The following VILL variants were observed in gnomAD, a reference collection of about 807,000 sequenced individuals.
VILL encodes villin-like protein.
Under a neutral mutation model 106.3 loss-of-function variants are expected in VILL, and 102 were observed. The ratio of observed to expected loss-of-function variants is 0.96; its 90% CI spans 0.82 to 1.13. VILL has a LOEUF of 1.13. VILL is among the 50% of genes most tolerant of loss of function. The pLI is 0.00. For synonymous variants in VILL, 431 were observed against 440.3 expected (o/e 0.98, Z 0.27); for missense variants, 1,076 against 1,116.6 (o/e 0.96, Z 0.52).
chr3:38,002,049 A>G (rs1278190082), intron 13 of VILL, 189 bp downstream of exon 13: 1 of 913,586 alleles, frequency 1.1e-6, no homozygotes, highest in Non-Finnish European at 1.6e-6. Flanking sequence ...CCCCAGTCCC[A>G]GAGCCAGATG....
At chr3:38,004,712 C>T (rs1391242367) in intron 16 of VILL, among the ~76,000 whole-genome samples, 2 of 152,166 alleles carry the variant, frequency 1.3e-5, no homozygotes, top group East Asian at 1.9e-4. Flanking sequence ...TGCCTGCGGC[C>T]GAGCATGTGT....
intron 2 of VILL, 61 bp from the exon 3 acceptor site, chr3:37,993,837 C>T (rs1457742023): frequency 1.1e-5 from 18 of 1,607,356 alleles, no homozygotes; most frequent in Non-Finnish European, 1.5e-5. Flanking sequence ...TTCCACCCCA[C>T]CCCAGCGGGT....
intron 4 of VILL, among the ~76,000 whole-genome samples, chr3:37,995,423 C>T (rs6808011): frequency 0.84 from 127,491 of 152,272 alleles, 53,481 homozygotes; most frequent in East Asian, 0.92. Flanking sequence ...TGTTGCCCAC[C>T]TTCATGCACT....
At chr3:38,002,803 C>G (rs1028967905) in intron 14 of VILL, 20 of 581,816 alleles carry the variant, frequency 3.4e-5, no homozygotes, top group Non-Finnish European at 5.3e-5. Context: ...GGCCGCCTCC[C>G]CTCCTTACTG....
chr3:38,004,460 C>T, intron 16 of VILL, 61 bp downstream of exon 16: 1 of 1,570,252 alleles, frequency 6.4e-7, no homozygotes, highest in South Asian at 1.2e-5. Context: ...GTTTGTGTAA[C>T]TGGGTGTGTG....
chr3:37,994,543 C>T (rs1699668673), intron 4 of VILL, 77 bp downstream of exon 4: 3 of 1,526,114 alleles, frequency 2.0e-6, no homozygotes, highest in South Asian at 1.2e-5. Context: ...GGATGGCCAT[C>T]GTCCACATCC....
At chr3:37,991,946 C>T (rs746317932) in intron 1 of VILL, among the ~76,000 whole-genome samples, 6 of 152,098 alleles carry the variant, frequency 3.9e-5, no homozygotes, top group African/African-American at 9.7e-5. Context: ...CATGCGAGTG[C>T]GACCTCAGCC....
At chr3:38,001,033 A>G in intron 11 of VILL, 3 of 465,082 alleles carry the variant, frequency 6.5e-6, no homozygotes, top group Non-Finnish European at 1.3e-5. Flanking sequence ...GTCTTTGAAC[A>G]GGCTTTGTGT....
chr3:38,005,708 C>T (rs1257683384), intron 16 of VILL, 84 bp from the exon 17 acceptor site: 13 of 1,457,396 alleles, frequency 8.9e-6, no homozygotes, highest in Non-Finnish European at 1.2e-5. Context: ...CTGTCTGGGA[C>T]AACTGGACAG....
At chr3:38,004,495 C>A (rs1209223049) in intron 16 of VILL, 96 bp downstream of exon 16, 2 of 1,487,826 alleles carry the variant, frequency 1.3e-6, no homozygotes, top group East Asian at 2.3e-5. Context: ...TGCCTCTGTA[C>A]ACAGGGCTGT....
chr3:38,002,539 G>C lies in VILL; in HGVS notation c.1623G>C (p.Leu541=). The C allele has an allele frequency of 1.2e-6, 2 of 1,614,140 alleles. No individual in the cohort carries two copies. The highest frequency in any genetic ancestry group is 1.7e-6 in the Non-Finnish European group (2 of 1,179,984). The change falls in exon 14 of 20, where the codon CTG becomes CTC. Residue 541 remains leucine (L), a synonymous_variant. Transcript: ENST00000383759. ...TCAACTCCAGTGACATCTTCTTGCT[G>C]GTCACAGCCAGCGTCTGCTACCTCT... ...SSLNSSDIFL[L]VTASVCYLWF... is the part of the protein sequence containing the mutation.
intron 16 of VILL, 44 bp downstream of exon 16, chr3:38,004,443 T>A (rs745629679): frequency 1.9e-6 from 3 of 1,582,654 alleles, no homozygotes; most frequent in Admixed American, 1.7e-5. Context: ...AACGGGGGTG[T>A]GTTTCTGTTT....
At chr3:38,003,102 G>A (rs1559367382) in intron 14 of VILL, 66 bp from the exon 15 acceptor site, 14 of 1,570,710 alleles carry the variant, frequency 8.9e-6, no homozygotes, top group Non-Finnish European at 1.1e-5. Flanking sequence ...CCCTGTGAAC[G>A]GGACGTGGGG....
chr3:38,000,891 G>A (rs1397564554), intron 11 of VILL: 17 of 456,650 alleles, frequency 3.7e-5, no homozygotes, highest in Non-Finnish European at 7.0e-5. Context: ...GGAAAGGCCC[G>A]AAGCTTAGAA....
Position 37,995,663 on chromosome 3 carries a change from C to CA in VILL, c.342-75dup, listed in dbSNP as rs1343320481. On this transcript the variant is annotated intron_variant, in intron 4 of 19. Transcript: ENST00000383759. The stretch of plus-strand genomic sequence containing the variant: ...ACATACGTGCACGTGCTCACATCTG[C>CA]AGTCATTCATGCACATGGCAGTCTG... The CA allele has an allele frequency of 8.9e-6, 11 of 1,233,660 alleles. No homozygotes were observed. The Admixed American group carries it at 1.9e-4, about 21-fold the overall frequency. The allele number at this position is 1,233,660 out of a possible 1,614,324, so 76.4% of individuals were successfully genotyped here.
Position 37,994,407 on chromosome 3 carries a change from C to T in VILL, c.282C>T (p.His94=). ...AGCTGGGGGGCCAGACCGTGCTGCACCGCGAGGCGCAGGGCCACGAGTCCG... is the reference window on the plus strand; with the variant it reads ...AGCTGGGGGGCCAGACCGTGCTGCATCGCGAGGCGCAGGGCCACGAGTCCG... ...QDELGGQTVL[H]REAQGHESDC... The change falls in exon 4 of 20, where the codon CAC becomes CAT. Residue 94 remains histidine (H), a synonymous_variant. Transcript: ENST00000383759. 1 of 1,612,648 alleles carries T rather than the reference C, an allele frequency of 6.2e-7. No homozygotes were observed. The highest frequency in any genetic ancestry group is 1.7e-4 in the Middle Eastern group (1 of 6,054).
upstream of VILL, among the ~76,000 whole-genome samples, chr3:37,989,591 G>A (rs1360004389): frequency 2.0e-5 from 3 of 152,184 alleles, no homozygotes; most frequent in Non-Finnish European, 2.9e-5. Flanking sequence ...AACAGAGCGG[G>A]TGGGCTGAGG....
Position 38,004,288 on chromosome 3 carries a change from A to G in VILL, c.1839A>G (p.Arg613=), listed in dbSNP as rs1454107533. 1 of 1,613,688 alleles carries G rather than the reference A, an allele frequency of 6.2e-7. No individual in the cohort carries two copies. Among genetic ancestry groups the G allele is most frequent in the East Asian group, 2.2e-5 (1 of 44,872 alleles). The change falls in exon 16 of 20, where the codon CGA becomes CGG. Residue 613 remains arginine, a synonymous_variant. Coordinates refer to ENST00000383759, the MANE Select transcript of VILL (RefSeq NM_015873.4). ...AGGAGGTCCCCAGCTTCCAGCCACG[A>G]CTGTTTGAGTGCTCCAGCCACATGG... The part of the protein sequence containing the change: ...LPEEVPSFQP[R]LFECSSHMGC...
chr3:37,989,964 G>A (rs1478798338), upstream of VILL, among the ~76,000 whole-genome samples: 1 of 152,214 alleles, frequency 6.6e-6, no homozygotes, highest in Admixed American at 6.5e-5. Flanking sequence ...AGAGACCTTT[G>A]TGGGGTGAAG....
Sources: gnomAD v4.1 joint callset for allele counts (sites outside exome capture counted in the v4.1 genomes callset) on GRCh38, gnomAD v4.1.1 for gene constraint, MANE v1.5 for transcripts, NCBI Gene and HGNC (gene_info 2026-07-23, HGNC 2026-07-21) for gene names.